YTHDF2: variants seen among roughly 807,000 people sequenced by gnomAD.
YTHDF2 encodes YTH N6-methyladenosine RNA binding protein F2.
Under a neutral mutation model 50.4 loss-of-function variants are expected in YTHDF2, and 2 were observed. The ratio of observed to expected loss-of-function variants is 0.04; its 90% confidence interval spans 0.02 to 0.12. The LOEUF (loss-of-function observed/expected upper bound fraction) is 0.12, where lower values mean the gene tolerates loss of function less well. YTHDF2 is among the 10% of genes least tolerant of loss of function. The probability of loss-of-function intolerance (pLI) is 1.00; values close to 1 mark genes in which losing one functional copy is unlikely to be tolerated. For synonymous variants in YTHDF2, 217 were observed against 255.6 expected (o/e 0.85, Z 1.44); for missense variants, 483 against 722.6 (o/e 0.67, Z 3.80).
rs558641075 is a variant in YTHDF2, at chr1:28,748,335, C to T, written c.1716+4349C>T. 3.3e-5 allele frequency among the ~76,000 whole-genome samples: 5 copies of T among 152,254 alleles called. No homozygotes were observed. In the South Asian group the frequency reaches 8.3e-4, roughly 25 times the overall value. ...AAGCAGGTTTTATGAGAATGGGGCT[C>T]ATAGCTCATTGAGATGGTAGACTCC... On this transcript the variant is annotated intron_variant, in intron 4 of 4. Transcript: ENST00000373812.
intron 1 of YTHDF2, chr1:28,737,413 C>T (rs1429979200): frequency 3.1e-6 from 2 of 637,680 alleles, no homozygotes; most frequent in Non-Finnish European, 2.6e-6. Flanking sequence ...TGTTTCCTTC[C>T]CCTTCCTTAA....
chr1:28,754,070 AAC>A (rs2087999977), intron 4 of YTHDF2, among the ~76,000 whole-genome samples: 1 of 152,208 alleles, frequency 6.6e-6, no homozygotes, highest in Non-Finnish European at 1.5e-5. Context: ...ATTAGGGAAT[AAC>A]AGTTTGGAGG....
intron 4 of YTHDF2, among the ~76,000 whole-genome samples, chr1:28,757,242 G>C (rs755094313): frequency 5.9e-5 from 9 of 152,206 alleles, no homozygotes; most frequent in Non-Finnish European, 1.2e-4. Context: ...AATTGACAGT[G>C]TGAGACCAAG....
Position 28,743,166 on chromosome 1 carries a change from C to T in YTHDF2, c.896C>T (p.Pro299Leu). ...SQALVQNIGQ[P>L]TQGSPQPVGQ... is the part of the protein sequence containing the mutation. ...GCTTTGGTTCAGAATATAGGTCAGCCAACCCAGGGGTCTCCTCAGCCTGTA... is the reference window on the plus strand; with the variant it reads ...GCTTTGGTTCAGAATATAGGTCAGCTAACCCAGGGGTCTCCTCAGCCTGTA... Residue 299 changes from proline to leucine, a missense_variant, in exon 4 of 5, where the codon CCA (proline) becomes CTA (leucine). Transcript: ENST00000373812. This position sits in a 1 kb window ranked among gnomAD's most constrained non-coding sequence, Gnocchi z 6.9. The T allele has an allele frequency of 6.2e-7, 1 of 1,614,152 alleles. No homozygotes were observed. The highest frequency in any genetic ancestry group is 8.5e-7 in the Non-Finnish European group (1 of 1,180,020).
intron 4 of YTHDF2, among the ~76,000 whole-genome samples, chr1:28,751,732 A>G (rs529179993): frequency 3.1e-4 from 47 of 152,340 alleles, no homozygotes; most frequent in East Asian, 2.1e-3. Context: ...ACAAGGCACC[A>G]TCTTTGCCTT....
intron 4 of YTHDF2, among the ~76,000 whole-genome samples, chr1:28,748,457 A>G (rs1238555640): frequency 6.6e-6 from 1 of 152,224 alleles, no homozygotes; most frequent in Admixed American, 6.5e-5. Context: ...GAAGTAGGGA[A>G]GTACTTAAAC....
chr1:28,750,068 G>T (rs554436552), intron 4 of YTHDF2, among the ~76,000 whole-genome samples: 1 of 126,968 alleles, frequency 7.9e-6, no homozygotes. Context: ...TCGGCTCACT[G>T]CAACCTCTGC....
intron 3 of YTHDF2, chr1:28,740,314 G>C (rs1246348612): frequency 6.6e-6 from 1 of 152,190 alleles, no homozygotes; most frequent in Non-Finnish European, 1.5e-5. Context: ...TTGAGCATGT[G>C]GGAGCCTGCC....
At chr1:28,753,433 A>G (rs1377892340) in intron 4 of YTHDF2, among the ~76,000 whole-genome samples, 9 of 141,776 alleles carry the variant, frequency 6.3e-5, no homozygotes, top group Admixed American at 1.5e-4. Flanking sequence ...CTGTAGTCCT[A>G]GTTGCTCAGG....
At chr1:28,760,967 G>A (rs944361689) in intron 4 of YTHDF2, among the ~76,000 whole-genome samples, 12 of 152,054 alleles carry the variant, frequency 7.9e-5, no homozygotes, top group African/African-American at 2.2e-4. Context: ...TGTTTACACC[G>A]CATTACCACA....
chr1:28,737,528 C>CTA, intron 1 of YTHDF2, 130 bp from the exon 2 acceptor site: 3 of 1,291,344 alleles, frequency 2.3e-6, no homozygotes, highest in Non-Finnish European at 3.2e-6. Context: ...CTCTTCCTCA[C>CTA]TACCATTCCT....
intron 4 of YTHDF2, among the ~76,000 whole-genome samples, chr1:28,765,358 C>CT (rs2088200652): frequency 6.6e-6 from 1 of 151,936 alleles, no homozygotes; most frequent in Non-Finnish European, 1.5e-5. Flanking sequence ...GTGCACCTAA[C>CT]TTTTTTGCAG....
Position 28,763,295 on chromosome 1 carries a change from A to G in YTHDF2, c.1717-5634A>G, listed in dbSNP as rs527636671. Among the ~76,000 whole-genome samples, 9 of 152,078 alleles carry G rather than the reference A, an allele frequency of 5.9e-5. No homozygotes were observed. The East Asian group carries it at 1.7e-3, about 30-fold the overall frequency. On this transcript the variant is annotated intron_variant, in intron 4 of 4. Transcript: ENST00000373812. ...AATATCTTTAATGTTTTTATTTGAG[A>G]CAGAGTTTTGCTCTTTTGCCCAGGC...
At chr1:28,736,793 G>A, upstream of YTHDF2, 1 of 332,916 alleles carries the variant, frequency 3.0e-6, no homozygotes, top group Non-Finnish European at 5.6e-6. Flanking sequence ...TCTTCGCGCC[G>A]GGCCCCTTCC....
At chr1:28,744,174 T>G (rs948450315) in intron 4 of YTHDF2, among the ~76,000 whole-genome samples, 188 bp downstream of exon 4, 12 of 152,144 alleles carry the variant, frequency 7.9e-5, no homozygotes, top group Admixed American at 6.5e-4. Flanking sequence ...GTGAGAACAT[T>G]AGTAGAGGAC....
intron 4 of YTHDF2, among the ~76,000 whole-genome samples, chr1:28,745,866 C>T (rs1049044338): frequency 7.1e-6 from 1 of 141,570 alleles, no homozygotes; most frequent in Non-Finnish European, 1.5e-5. Context: ...GTAGTGAGAC[C>T]CCATCTCTCT....
upstream of YTHDF2, chr1:28,736,862 T>A: frequency 3.1e-6 from 1 of 317,718 alleles, no homozygotes; most frequent in Non-Finnish European, 5.9e-6. Context: ...CCGCCTCCGC[T>A]GTTCGGCGCT....
chr1:28,738,201 A>G, intron 2 of YTHDF2, 58 bp from the exon 3 acceptor site: 1 of 1,397,234 alleles, frequency 7.2e-7, no homozygotes, highest in African/African-American at 1.4e-5. Flanking sequence ...TATATGAACT[A>G]ATTTGAAAGG....
chr1:28,743,707 C>T lies in YTHDF2; in HGVS notation c.1437C>T (p.Tyr479=). Reference sequence around the variant, plus strand: ...CAGAAATGAAATCTGCTGTGGACTACAACACATGTGCAGGTGTGTGGTCCC... The same window carrying T: ...CAGAAATGAAATCTGCTGTGGACTATAACACATGTGCAGGTGTGTGGTCCC... ...GVAEMKSAVD[Y]NTCAGVWSQD... Residue 479 remains tyrosine, a synonymous_variant, in exon 4 of 5, where the codon TAC becomes TAT. Transcript: ENST00000373812. The surrounding 1 kb of genome is among the most constrained non-coding windows in gnomAD (Gnocchi z 6.9). The T allele has an allele frequency of 6.2e-7, 1 of 1,614,192 alleles. No homozygotes were observed. The highest frequency in any genetic ancestry group is 8.5e-7 in the Non-Finnish European group (1 of 1,180,040).
Sources: allele counts gnomAD v4.1 joint callset (sites outside exome capture counted in the v4.1 genomes callset), GRCh38; gene constraint gnomAD v4.1.1; non-coding constraint Gnocchi (gnomAD v3.1); transcripts MANE v1.5; gene names NCBI Gene and HGNC (gene_info 2026-07-23, HGNC 2026-07-21).